Variants in STARD13 observed in about 807,000 individuals in gnomAD.
The protein encoded by STARD13 is stAR-related lipid transfer protein 13.
In STARD13, 62 loss-of-function variants were observed where a neutral mutation model predicts 106.4. The ratio of observed to expected loss-of-function variants is 0.58; its 90% CI spans 0.48 to 0.72. The LOEUF is 0.72. STARD13 is among the 30% of genes least tolerant of loss of function. The pLI is 0.00. For synonymous variants in STARD13, 565 were observed against 553.0 expected, an observed-to-expected ratio of 1.02 and a Z score of -0.31; for missense variants, 1,387 against 1,424.0, an observed-to-expected ratio of 0.97 and a Z score of 0.42.
intron 1 of STARD13, among the ~76,000 whole-genome samples, chr13:33,170,338 C>A (rs891038265): frequency 1.3e-5 from 2 of 152,126 alleles, no homozygotes; most frequent in African/African-American, 4.8e-5. Context: ...AAACAACACT[C>A]CTTTTGGAAC....
At chr13:33,195,628 A>G (rs1439163045) in intron 1 of STARD13, among the ~76,000 whole-genome samples, 3 of 152,244 alleles carry the variant, frequency 2.0e-5, no homozygotes, top group Non-Finnish European at 2.9e-5. Context: ...CACCCACGAC[A>G]GTATTATCGT....
At chr13:33,350,066 A>AGC (rs1029108098) in intron 1 of STARD13, among the ~76,000 whole-genome samples, 1 of 152,120 alleles carries the variant, frequency 6.6e-6, no homozygotes, top group African/African-American at 2.4e-5. Flanking sequence ...CCTGGCTGTC[A>AGC]GCGCGCGCGT....
rs528050672 is a variant in STARD13 at position 33,125,191 on chromosome 13, G to A, written c.2082+890C>T. ...TCCTGCCCACTGAGCCCAAGGACCA[G>A]GGTAAATCAATAAAAAGTACAAATA... On this transcript the variant is annotated intron_variant, in intron 7 of 13. Transcript: ENST00000336934. Among the ~76,000 whole-genome samples, 3 of 152,290 alleles carry A rather than the reference G, an allele frequency of 2.0e-5. No individual in the cohort carries two copies. The South Asian group carries it at 6.2e-4, about 32-fold the overall frequency.
intron 2 of STARD13, among the ~76,000 whole-genome samples, chr13:33,166,068 G>A (rs1883280859): frequency 6.6e-6 from 1 of 152,138 alleles, no homozygotes; most frequent in African/African-American, 2.4e-5. Flanking sequence ...TGGAATAGAG[G>A]ACATAGCCAA....
chr13:33,499,689 T>TTCTTCCTCTTCC, the STARD13 span, among the ~76,000 whole-genome samples: 168 of 126,286 alleles, frequency 1.3e-3, 4 homozygotes, highest in Middle Eastern at 3.9e-3. Flanking sequence ...CCTCTTTCTC[T>TTCTTCCTCTTCC]TCTTCCTCTT....
At chr13:33,416,643 G>A in the STARD13 span, among the ~76,000 whole-genome samples, 5 of 152,244 alleles carry the variant, frequency 3.3e-5, no homozygotes, top group South Asian at 2.1e-4. Flanking sequence ...ATATTCACAC[G>A]CAAAAGATTA....
At chr13:33,494,602 A>G in the STARD13 span, among the ~76,000 whole-genome samples, 1 of 152,158 alleles carries the variant, frequency 6.6e-6, no homozygotes. Context: ...GTCGTTGTCT[A>G]CTACCAGTGA....
chr13:33,476,284 A>G, the STARD13 span, among the ~76,000 whole-genome samples: 1 of 152,322 alleles, frequency 6.6e-6, no homozygotes, highest in Admixed American at 6.5e-5. Flanking sequence ...ACATTTTATC[A>G]CTGTTGGACC....
At chr13:33,537,790 C>T in the STARD13 span, among the ~76,000 whole-genome samples, 5 of 152,134 alleles carry the variant, frequency 3.3e-5, no homozygotes, top group African/African-American at 1.2e-4. Flanking sequence ...CCAAAGGTGA[C>T]AGACTGAATT....
At chr13:33,352,961 C>T (rs368417765), upstream of STARD13, among the ~76,000 whole-genome samples, 3 of 152,224 alleles carry the variant, frequency 2.0e-5, no homozygotes, top group Admixed American at 2.0e-4. Flanking sequence ...CCCCCTAGCC[C>T]TACCTACCTT....
At chr13:33,553,424 TATAA>T in the STARD13 span, among the ~76,000 whole-genome samples, 11 of 151,928 alleles carry the variant, frequency 7.2e-5, no homozygotes, top group Admixed American at 7.2e-4. Context: ...CGTAAAGGTA[TATAA>T]ATAGTGTGAA....
chr13:33,469,098 A>T, the STARD13 span, among the ~76,000 whole-genome samples: 6 of 152,356 alleles, frequency 3.9e-5, no homozygotes, highest in African/African-American at 1.2e-4. Flanking sequence ...ATACATGCTT[A>T]CTATGCATCA....
At chr13:33,178,414 C>T (rs548800724) in intron 1 of STARD13, among the ~76,000 whole-genome samples, 7 of 152,170 alleles carry the variant, frequency 4.6e-5, no homozygotes, top group Admixed American at 6.5e-5. Flanking sequence ...GAACGTGCAT[C>T]CTGGTGAACG....
the STARD13 span, among the ~76,000 whole-genome samples, chr13:33,528,298 T>C: frequency 8.2e-6 from 1 of 122,522 alleles, no homozygotes; most frequent in Admixed American, 8.2e-5. Flanking sequence ...TGAGATGCAG[T>C]CTCCTCTGTC....
At chr13:33,442,082 C>T in the STARD13 span, among the ~76,000 whole-genome samples, 1 of 152,104 alleles carries the variant, frequency 6.6e-6, no homozygotes, top group South Asian at 2.1e-4. Flanking sequence ...ACAGAGTAAA[C>T]TTAGAAAGTA....
chr13:33,167,768 C>T, intron 1 of STARD13, 146 bp from the exon 2 acceptor site: 1 of 729,070 alleles, frequency 1.4e-6, no homozygotes, highest in African/African-American at 1.8e-5. Flanking sequence ...GTAGGCTTAC[C>T]CGGGAGTGGG....
At chr13:33,572,323 CCAAT>C in the STARD13 span, among the ~76,000 whole-genome samples, 5 of 152,148 alleles carry the variant, frequency 3.3e-5, no homozygotes, top group Non-Finnish European at 7.3e-5. Flanking sequence ...TGAGTTTTGG[CCAAT>C]CAAATGTAGC....
chr13:33,453,932 A>T, the STARD13 span, among the ~76,000 whole-genome samples: 1,529 of 152,358 alleles, frequency 0.01, 29 homozygotes, highest in African/African-American at 0.034. Context: ...AAGGCTTAAA[A>T]AGTAAAACTG....
In STARD13 at chr13:33,307,811, TTAAAATAAAA is replaced by T. The variant is rs1299411431; in HGVS notation, c.124+42469_124+42478del. On this transcript the variant is annotated intron_variant, in intron 1 of 5. Transcript: ENST00000567873. ...ATATCCTACGCATGTATCCTGGAACTTAAAATAAAATAAAATAAAATTTAAAAAATAAATG... is the reference window on the plus strand; with the variant it reads ...ATATCCTACGCATGTATCCTGGAACTTAAAATAAAATTTAAAAAATAAATG... Among the ~76,000 whole-genome samples, 8 of 152,278 alleles carry T rather than the reference TTAAAATAAAA, an allele frequency of 5.3e-5. No individual in the cohort carries two copies. In the East Asian group the frequency reaches 1.4e-3, roughly 26 times the overall value.
Sources: allele counts gnomAD v4.1 joint callset (sites outside exome capture counted in the v4.1 genomes callset), GRCh38; gene constraint gnomAD v4.1.1; transcripts MANE v1.5; gene names NCBI Gene and HGNC (gene_info 2026-07-23, HGNC 2026-07-21).